Variants in SEL1L2 observed in about 807,000 individuals in gnomAD.
SEL1L2 encodes protein sel-1 homolog 2.
A neutral mutation model predicts 98.8 loss-of-function variants in SEL1L2; 89 were observed. The observed-to-expected ratio is 0.90, with a 90% CI of 0.76 to 1.07. SEL1L2 has a LOEUF of 1.07. Ranked by LOEUF, SEL1L2 falls within the 50% of genes least tolerant of loss-of-function variation. SEL1L2 has a pLI of 0.00. For missense variants in SEL1L2, 788 were observed against 812.0 expected (o/e 0.97, Z 0.36); for synonymous variants, 262 against 278.5 (o/e 0.94, Z 0.59).
chr20:13,876,092 G>A lies in SEL1L2; in HGVS notation c.1050C>T (p.Ala350=), dbSNP rs1446597670. ...AGGCAGTAGCGTTATTTTGCGGCAC[G>A]GCAGCATTCCCCTCTAAATACATCT... ...IGKMYLEGNA[A]VPQNNATAFK... is the part of the protein sequence containing the mutation. The change falls in exon 12 of 20, where the codon GCC becomes GCT. Residue 350 remains alanine (A), a synonymous_variant. Coordinates refer to ENST00000284951, the MANE Select transcript of SEL1L2 (RefSeq NM_025229.2). 15 of 1,613,606 alleles carry A rather than the reference G, an allele frequency of 9.3e-6. No individual in the cohort carries two copies. Among genetic ancestry groups the A allele is most frequent in the Non-Finnish European group, 1.1e-5 (13 of 1,179,674 alleles).
At chr20:13,905,067 TTAAAAG>T (rs1243303841) in intron 5 of SEL1L2, among the ~76,000 whole-genome samples, 6 of 152,180 alleles carry the variant, frequency 3.9e-5, no homozygotes, top group Admixed American at 6.5e-5. Context: ...AAGCTCATTC[TTAAAAG>T]TAAAGAGTAA....
rs144869532 is a variant in SEL1L2, at chr20:13,875,004, A to C, written c.1104+1034T>G. The stretch of plus-strand genomic sequence containing the variant: ...AAAGGAGTCTACTAAGTCTTATCTG[A>C]CAGATACCAGCCTCACGGACCCCAG... On this transcript the variant is annotated intron_variant, in intron 12 of 19. Transcript: ENST00000284951. Among the ~76,000 whole-genome samples, 47 of 152,308 alleles carry C rather than the reference A, an allele frequency of 3.1e-4. No homozygotes were observed. In the East Asian group the frequency reaches 4.8e-3, roughly 16 times the overall value.
Position 13,990,527 on chromosome 20 carries a change from G to A in SEL1L2, c.8C>T (p.Pro3Leu). MK[P>L]LSLLIEILII... Reference sequence around the variant, plus strand: ...CAATATCTCTATTAACAGAGACAAGGGCTTCATCTTCTCTTAAGCAGCTTC... The same window carrying A: ...CAATATCTCTATTAACAGAGACAAGAGCTTCATCTTCTCTTAAGCAGCTTC... Residue 3 changes from proline (P) to leucine (L), a missense_variant, in exon 1 of 20, where the codon CCC (proline) becomes CTC (leucine). Transcript: ENST00000284951. 20 of 1,612,034 alleles carry A rather than the reference G, an allele frequency of 1.2e-5. No homozygotes were observed. The highest frequency in any genetic ancestry group is 1.7e-5 in the Non-Finnish European group (20 of 1,178,686).
At chr20:13,969,897 A>G (rs181031688) in intron 1 of SEL1L2, among the ~76,000 whole-genome samples, 39 of 152,288 alleles carry the variant, frequency 2.6e-4, no homozygotes, top group African/African-American at 8.4e-4. Flanking sequence ...ACTGCCTTCA[A>G]TGACCCATCA....
chr20:13,915,098 T>G (rs901091643), intron 4 of SEL1L2: 2 of 1,284,232 alleles, frequency 1.6e-6, no homozygotes, highest in Non-Finnish European at 2.0e-6. Context: ...TTGCTTCTGA[T>G]TTAGGAGGAT....
chr20:13,950,715 C>T (rs2050219925), intron 2 of SEL1L2, among the ~76,000 whole-genome samples: 1 of 152,182 alleles, frequency 6.6e-6, no homozygotes, highest in South Asian at 2.1e-4. Context: ...CCAATGTAGA[C>T]AGGAGCTCTC....
At chr20:13,935,378 G>A (rs1202148371) in intron 2 of SEL1L2, among the ~76,000 whole-genome samples, 1 of 152,164 alleles carries the variant, frequency 6.6e-6, no homozygotes, top group African/African-American at 2.4e-5. Flanking sequence ...GAAGATAACA[G>A]TCAACTGATA....
chr20:13,875,373 G>A (rs1384227874), intron 12 of SEL1L2, among the ~76,000 whole-genome samples: 1 of 152,172 alleles, frequency 6.6e-6, no homozygotes, highest in Non-Finnish European at 1.5e-5. Flanking sequence ...CCAAAGTGTT[G>A]GGATTACAAG....
intron 2 of SEL1L2, among the ~76,000 whole-genome samples, chr20:13,955,524 A>G (rs890319290): frequency 1.3e-5 from 2 of 152,176 alleles, no homozygotes; most frequent in African/African-American, 4.8e-5. Context: ...GAGAAAAAAA[A>G]CCACGAGGGC....
intron 1 of SEL1L2, among the ~76,000 whole-genome samples, chr20:13,957,389 G>A (rs930161217): frequency 3.9e-5 from 6 of 152,252 alleles, no homozygotes; most frequent in Middle Eastern, 3.4e-3. Flanking sequence ...GGCGTGAGCT[G>A]CTGCGCCCAG....
chr20:13,992,411 G>A (rs998416048), upstream of SEL1L2, among the ~76,000 whole-genome samples: 29 of 152,236 alleles, frequency 1.9e-4, no homozygotes, highest in African/African-American at 6.7e-4. Flanking sequence ...GGCTGAGGCA[G>A]GAGAATTGCT....
intron 1 of SEL1L2, among the ~76,000 whole-genome samples, chr20:13,981,142 TGA>T (rs1438931653): frequency 6.6e-6 from 1 of 152,094 alleles, no homozygotes; most frequent in Non-Finnish European, 1.5e-5. Flanking sequence ...CTTGGGAGGC[TGA>T]GACAGGAGAA....
chr20:13,960,470 A>G (rs1274020685), intron 1 of SEL1L2, among the ~76,000 whole-genome samples: 2 of 152,222 alleles, frequency 1.3e-5, no homozygotes, highest in Non-Finnish European at 2.9e-5. Flanking sequence ...TAACATGAAG[A>G]CAACAGCAAT....
At chr20:13,922,081 C>G (rs959475713) in intron 3 of SEL1L2, among the ~76,000 whole-genome samples, 6 of 152,122 alleles carry the variant, frequency 3.9e-5, no homozygotes, top group Non-Finnish European at 5.9e-5. Context: ...TTTCATGAAC[C>G]ATATTTCTTT....
chr20:13,950,636 G>C (rs113832162), intron 2 of SEL1L2, among the ~76,000 whole-genome samples: 19 of 152,290 alleles, frequency 1.2e-4, no homozygotes, highest in African/African-American at 4.6e-4. Context: ...TAAGGAGGAT[G>C]GGACTATTGG....
At chr20:13,964,510 T>C (rs976071362) in intron 1 of SEL1L2, among the ~76,000 whole-genome samples, 1 of 141,000 alleles carries the variant, frequency 7.1e-6, no homozygotes, top group Non-Finnish European at 1.5e-5. Context: ...TGGAGTGCAA[T>C]GGCGCAATCT....
chr20:13,892,078 A>G (rs1442300730), intron 5 of SEL1L2, among the ~76,000 whole-genome samples: 2 of 152,228 alleles, frequency 1.3e-5, no homozygotes, highest in Non-Finnish European at 2.9e-5. Context: ...TTGATAACAT[A>G]CAGTGGTGGG....
chr20:13,888,463 G>A lies in SEL1L2; in HGVS notation c.599C>T (p.Ala200Val). Reference protein sequence around the residue: ...SYGIGMEYDQAKALIYYTFGS... With the variant: ...SYGIGMEYDQVKALIYYTFGS... ...ATAAAACAGAATGATCTTTACCTTA[G>A]CTTGATCATATTCCATTCCTATTCC... is the stretch of plus-strand genomic sequence containing the variant. Residue 200 changes from alanine to valine, a missense_variant, in exon 6 of 20, where the codon GCT becomes GTT. Transcript: ENST00000284951. The A allele has an allele frequency of 6.4e-7, 1 of 1,558,042 alleles. No homozygotes were observed. The highest frequency in any genetic ancestry group is 8.8e-7 in the Non-Finnish European group (1 of 1,137,476).
At chr20:13,988,790 A>G (rs1239351090) in intron 1 of SEL1L2, among the ~76,000 whole-genome samples, 1 of 152,136 alleles carries the variant, frequency 6.6e-6, no homozygotes, top group African/African-American at 2.4e-5. Flanking sequence ...AGGCGGGTGA[A>G]TCACCTGAGG....
Sources: gnomAD v4.1 joint callset for allele counts (sites outside exome capture counted in the v4.1 genomes callset) on GRCh38, gnomAD v4.1.1 for gene constraint, MANE v1.5 for transcripts, NCBI Gene and HGNC (gene_info 2026-07-23, HGNC 2026-07-21) for gene names.